Variants in C3orf20 observed in about 807,000 individuals in gnomAD.
C3orf20 encodes the protein family with sequence similarity 149 member C, also known as uncharacterized protein C3orf20.
A neutral mutation model predicts 88.3 loss-of-function variants in C3orf20; 76 were observed. The ratio of observed to expected loss-of-function variants is 0.86; its 90% CI spans 0.72 to 1.04. The LOEUF (loss-of-function observed/expected upper bound fraction) is 1.04. C3orf20 is among the 50% of genes least tolerant of loss of function. C3orf20 has a pLI of 0.00. For synonymous variants in C3orf20, 436 were observed against 437.4 expected (o/e 1.00, Z 0.04); for missense variants, 1,056 against 1,123.3 (o/e 0.94, Z 0.86).
chr3:14,683,088 T>C lies in C3orf20; in HGVS notation c.375T>C (p.Arg125=). 6.2e-7 allele frequency: 1 copy of C among 1,613,372 alleles called. No homozygotes were observed. Among genetic ancestry groups the C allele is most frequent in the Non-Finnish European group, 8.5e-7 (1 of 1,179,694 alleles). Reference sequence around the variant, plus strand: ...CCACCCTCTCTCCCACCATGGCCCGTCAGGTGCGCACCCACCAGGAGACCC... The same window carrying C: ...CCACCCTCTCTCCCACCATGGCCCGCCAGGTGCGCACCCACCAGGAGACCC... ...KRSTLSPTMA[R]QVRTHQETLN... is the part of the protein sequence containing the mutation. Residue 125 remains arginine, a synonymous_variant, in exon 3 of 17, where the codon CGT becomes CGC. Transcript: ENST00000253697.
intron 12 of C3orf20, among the ~76,000 whole-genome samples, chr3:14,734,704 ATTAAT>A (rs1272096079): frequency 3.9e-5 from 6 of 152,080 alleles, no homozygotes; most frequent in African/African-American, 1.4e-4. Context: ...GGTCAAATTT[ATTAAT>A]TTAATTTATT....
chr3:14,720,164 G>A (rs1159333170), intron 9 of C3orf20, among the ~76,000 whole-genome samples: 1 of 152,082 alleles, frequency 6.6e-6, no homozygotes, highest in Non-Finnish European at 1.5e-5. Context: ...CGAGTAGCTG[G>A]GACTACAGGT....
intron 5 of C3orf20, among the ~76,000 whole-genome samples, chr3:14,695,661 G>A (rs951622846): frequency 4.6e-5 from 7 of 151,972 alleles, no homozygotes; most frequent in East Asian, 3.9e-4. Context: ...TGCTTTATAC[G>A]TCTGGCTGCT....
At chr3:14,749,419 C>T (rs781273245) in intron 12 of C3orf20, among the ~76,000 whole-genome samples, 1 of 152,188 alleles carries the variant, frequency 6.6e-6, no homozygotes, top group Non-Finnish European at 1.5e-5. Flanking sequence ...AAGAGAGCCT[C>T]CCACCTCAGC....
chr3:14,676,107 C>G (rs1327007338), intron 1 of C3orf20, among the ~76,000 whole-genome samples: 3 of 139,408 alleles, frequency 2.2e-5, no homozygotes, highest in Admixed American at 7.5e-5. Flanking sequence ...CCTTCCCCCT[C>G]CCCCCCGCCT....
intron 4 of C3orf20, among the ~76,000 whole-genome samples, chr3:14,686,193 C>CGTGTGTGTGTGTGTGTGTGTGT (rs58844982): frequency 4.5e-4 from 67 of 149,596 alleles, no homozygotes; most frequent in African/African-American, 1.5e-3. Context: ...GAATCATATT[C>CGTGTGTGTGTGTGTGTGTGTGT]GTGTGTGTGT....
chr3:14,728,739 G>T, intron 12 of C3orf20, 51 bp downstream of exon 12: 3 of 1,586,638 alleles, frequency 1.9e-6, no homozygotes, highest in Non-Finnish European at 2.6e-6. Flanking sequence ...GTGATGGGCA[G>T]TGGGCACAGG....
chr3:14,731,693 C>G (rs1175464937), intron 12 of C3orf20, among the ~76,000 whole-genome samples: 1 of 152,108 alleles, frequency 6.6e-6, no homozygotes, highest in Non-Finnish European at 1.5e-5. Context: ...TTCCAGGCTG[C>G]CAGAAGGAAA....
chr3:14,712,460 A>G (rs1357220763), intron 7 of C3orf20, among the ~76,000 whole-genome samples: 1 of 152,210 alleles, frequency 6.6e-6, no homozygotes, highest in Non-Finnish European at 1.5e-5. Context: ...TGATAGCCCT[A>G]GGAAACTAAT....
intron 3 of C3orf20, among the ~76,000 whole-genome samples, chr3:14,683,822 G>A (rs546600137): frequency 7.3e-4 from 105 of 144,250 alleles, no homozygotes; most frequent in African/African-American, 2.7e-3. Context: ...GTTGCAGTGA[G>A]CCAAGATCAT....
intron 5 of C3orf20, among the ~76,000 whole-genome samples, chr3:14,693,690 C>G (rs2032839598): frequency 6.6e-6 from 1 of 152,090 alleles, no homozygotes; most frequent in Non-Finnish European, 1.5e-5. Flanking sequence ...ATTTCTTTCT[C>G]TTTTCTGATT....
rs763867972 is a variant in C3orf20, at chr3:14,726,964, A to T, written c.1630A>T (p.Ile544Phe). The T allele has an allele frequency of 6.2e-7, 1 of 1,614,166 alleles. No individual in the cohort carries two copies. Among genetic ancestry groups the T allele is most frequent in the East Asian group, 2.2e-5 (1 of 44,872 alleles). Reference protein sequence around the residue: ...VYKMSRALAEIKKRFQKTVTQ... With the variant: ...VYKMSRALAEFKKRFQKTVTQ... ...TAAGATGAGCCGAGCCCTGGCTGAGATCAAGAAGCGGTTTCAGAAGACAGT... is the reference window on the plus strand; with the variant it reads ...TAAGATGAGCCGAGCCCTGGCTGAGTTCAAGAAGCGGTTTCAGAAGACAGT... The change falls in exon 11 of 17, where the codon ATC (isoleucine) becomes TTC (phenylalanine). Residue 544 changes from isoleucine to phenylalanine, a missense_variant. Physicochemically the swap from Ile to Phe is conservative, Grantham distance 21. Transcript: ENST00000253697.
rs60474912 is a variant in C3orf20 at position 14,707,820 on chromosome 3, CT to C, written c.1160+3218del. ...ATAACATTTACCCCTGTGTTTTCCT[CT>C]TTTTTTTTTTTTTTTGAGACAGAGT... On this transcript the variant is annotated intron_variant, in intron 7 of 16. Coordinates refer to ENST00000253697, the MANE Select transcript of C3orf20 (RefSeq NM_032137.5). 4.5e-3 allele frequency among the ~76,000 whole-genome samples: 547 copies of C among 122,112 alleles called. 6 individuals carry two copies. The highest frequency in any genetic ancestry group is 0.015 in the African/African-American group (464 of 31,544). 80.1% of individuals were successfully genotyped at this position (122,112 alleles called of 152,430 possible).
chr3:14,755,195 G>A (rs547702773), intron 12 of C3orf20, among the ~76,000 whole-genome samples: 5 of 151,938 alleles, frequency 3.3e-5, no homozygotes, highest in African/African-American at 1.2e-4. Flanking sequence ...ATGTTTCTCG[G>A]TTTGTCATTT....
Position 14,683,068 on chromosome 3 carries a change from C to T in C3orf20, c.355C>T (p.Leu119Phe). The change falls in exon 3 of 17, where the codon CTC becomes TTC. Residue 119 changes from leucine to phenylalanine, a missense_variant. Leu to Phe is a conservative substitution (Grantham distance 22, BLOSUM62 0). Transcript: ENST00000253697. ...CACTGGGGCAGCCAAGCGCTCCACC[C>T]TCTCTCCCACCATGGCCCGTCAGGT... ...ATTGAAKRSTLSPTMARQVRT... is the reference protein window; with the variant it reads ...ATTGAAKRSTFSPTMARQVRT... The T allele has an allele frequency of 6.2e-7, 1 of 1,611,596 alleles. No individual in the cohort carries two copies. The highest frequency in any genetic ancestry group is 2.2e-5 in the East Asian group (1 of 44,788).
chr3:14,693,231 T>C (rs1559400694), intron 5 of C3orf20, among the ~76,000 whole-genome samples: 1 of 152,202 alleles, frequency 6.6e-6, no homozygotes, highest in Non-Finnish European at 1.5e-5. Flanking sequence ...ATATAAACTT[T>C]AGGAATGATT....
chr3:14,690,136 G>GCCTA lies in C3orf20; in HGVS notation c.745+23_745+26dup. 1 of 1,613,772 alleles carries GCCTA rather than the reference G, an allele frequency of 6.2e-7. No individual in the cohort carries two copies. Among genetic ancestry groups the GCCTA allele is most frequent in the Non-Finnish European group, 8.5e-7 (1 of 1,179,774 alleles). The stretch of plus-strand genomic sequence containing the variant: ...AAATAGGTAAAAATGGTTCCTCGTG[G>GCCTA]CCTACCATTCATTGGTGGTGGCGGT... On this transcript the variant is annotated intron_variant, in intron 5 of 16. Coordinates refer to ENST00000253697, the MANE Select transcript of C3orf20 (RefSeq NM_032137.5).
chr3:14,745,596 A>C (rs748029582), intron 12 of C3orf20, among the ~76,000 whole-genome samples: 1 of 152,190 alleles, frequency 6.6e-6, no homozygotes, highest in African/African-American at 2.4e-5. Flanking sequence ...TACATTTGTG[A>C]TATCACATTT....
chr3:14,713,980 T>G (rs2033845361), intron 7 of C3orf20, 27 bp from the exon 8 acceptor site: 3 of 1,612,924 alleles, frequency 1.9e-6, no homozygotes, highest in Non-Finnish European at 2.5e-6. Context: ...GAGTTTTCTG[T>G]TAGTTCTACC....
Sources: allele counts gnomAD v4.1 joint callset (sites outside exome capture counted in the v4.1 genomes callset), GRCh38; gene constraint gnomAD v4.1.1; transcripts MANE v1.5; gene names NCBI Gene and HGNC (gene_info 2026-07-23, HGNC 2026-07-21).